The following PRKD1 variants were observed in gnomAD, a reference collection of about 807,000 sequenced individuals.
The protein encoded by PRKD1 is serine/threonine-protein kinase D1.
In PRKD1, 63 loss-of-function variants were observed where a neutral mutation model predicts 95.9. The observed-to-expected ratio is 0.66, with a 90% CI of 0.54 to 0.81. The LOEUF is 0.81. PRKD1 is among the 30% of genes least tolerant of loss of function. The probability of loss-of-function intolerance (pLI) is 0.00; values close to 1 mark genes in which losing one functional copy is unlikely to be tolerated. For missense variants in PRKD1, 1,048 were observed against 1,165.3 expected (o/e 0.90, Z 1.47); for synonymous variants, 425 against 423.1 (o/e 1.00, Z -0.05).
chr14:29,740,971 G>T lies in PRKD1; in HGVS notation c.265-15297C>A, dbSNP rs113076029. Among the ~76,000 whole-genome samples the T allele has an allele frequency of 6.6e-5, 10 of 152,308 alleles. 1 individual carries two copies. The highest frequency in any genetic ancestry group is 2.4e-4 in the African/African-American group (10 of 41,568). ...CTTTTGCAGGACCATGGATGGAGCT[G>T]CAGGACATTATCCTTAGCAAACTAA... On this transcript the variant is annotated intron_variant, in intron 1 of 17. Coordinates refer to ENST00000331968, the MANE Select transcript of PRKD1 (RefSeq NM_002742.3).
At chr14:29,794,458 C>T (rs1263437597) in intron 1 of PRKD1, among the ~76,000 whole-genome samples, 3 of 151,872 alleles carry the variant, frequency 2.0e-5, no homozygotes, top group South Asian at 2.1e-4. Context: ...TTGAAATTTA[C>T]AATAATTGTG....
chr14:29,589,290 G>A (rs571515681), intron 16 of PRKD1, among the ~76,000 whole-genome samples: 1 of 152,270 alleles, frequency 6.6e-6, no homozygotes, highest in East Asian at 1.9e-4. Context: ...TTGCACTGAA[G>A]CAAATTATAT....
intron 2 of PRKD1, 38 bp downstream of exon 2, chr14:29,725,498 T>C (rs1310616821): frequency 6.3e-7 from 1 of 1,591,398 alleles, no homozygotes; most frequent in East Asian, 2.2e-5. Context: ...ATACAACTTC[T>C]AATCTACGGA....
At chr14:29,806,104 G>A (rs538690207) in intron 1 of PRKD1, among the ~76,000 whole-genome samples, 9 of 152,044 alleles carry the variant, frequency 5.9e-5, no homozygotes, top group Non-Finnish European at 7.4e-5. Context: ...GGCAAGAAGC[G>A]GATCTCATCA....
chr14:29,668,681 T>A (rs547513114), intron 2 of PRKD1, among the ~76,000 whole-genome samples: 1 of 152,270 alleles, frequency 6.6e-6, no homozygotes, highest in Admixed American at 6.5e-5. Context: ...AGCAAAATAA[T>A]CTCTGGAGGT....
In PRKD1 at chr14:29,927,489, C is replaced by T. The variant is rs1895351831; in HGVS notation, c.24G>A (p.Arg8=). 2 of 1,229,354 alleles carry T rather than the reference C, an allele frequency of 1.6e-6. No homozygotes were observed. The highest frequency in any genetic ancestry group is 2.0e-6 in the Non-Finnish European group (2 of 989,808). The allele number at this position is 1,229,354 out of a possible 1,614,324, so 76.2% of individuals were successfully genotyped here. A position where few individuals can be genotyped will look rare whatever the true frequency, so the allele number is the denominator to read the frequency against. Residue 8 remains arginine (R), a synonymous_variant, in exon 1 of 18, where the codon CGG becomes CGA. Transcript: ENST00000331968. MSAPPVL[R]PPSPLLPVAA... is the part of the protein sequence containing the mutation. ...CCACGGGCAGCAGCGGACTGGGCGG[C>T]CGCAGGACCGGAGGGGCGCTCATCG...
At chr14:29,659,160 C>G (rs1375007253) in intron 4 of PRKD1, among the ~76,000 whole-genome samples, 1 of 152,202 alleles carries the variant, frequency 6.6e-6, no homozygotes, top group Non-Finnish European at 1.5e-5. Flanking sequence ...TCTGCTCCTT[C>G]CCAGTTGATA....
chr14:29,599,802 C>T lies in PRKD1; in HGVS notation c.1921G>A (p.Gly641Ser), dbSNP rs149460336. Residue 641 changes from glycine (G) to serine (S), a missense_variant, in exon 14 of 18, where the codon GGT (glycine) becomes AGT (serine). Transcript: ENST00000331968. ...AACATACACTCCAAATTTACAACAC[C>T]AGGGTGATGAAGGTTCTATTAAAGA... ...VAILQNLHHP[G>S]VVNLECMFET... 78 of 1,610,116 alleles carry T rather than the reference C, an allele frequency of 4.8e-5. No homozygotes were observed. Among genetic ancestry groups the T allele is most frequent in the Non-Finnish European group, 6.4e-5 (75 of 1,178,968 alleles).
At chr14:29,718,403 T>C (rs1193142365) in intron 2 of PRKD1, among the ~76,000 whole-genome samples, 1 of 151,894 alleles carries the variant, frequency 6.6e-6, no homozygotes, top group East Asian at 1.9e-4. Flanking sequence ...TCCTGAGCCC[T>C]CCCAACCATG....
At chr14:29,759,227 A>T (rs1887857217) in intron 1 of PRKD1, among the ~76,000 whole-genome samples, 2 of 152,146 alleles carry the variant, frequency 1.3e-5, no homozygotes, top group African/African-American at 4.8e-5. Context: ...TAGTAAGAAG[A>T]AGTATATTAT....
chr14:29,625,651 T>C (rs1879570273), intron 12 of PRKD1, among the ~76,000 whole-genome samples: 1 of 152,196 alleles, frequency 6.6e-6, no homozygotes, highest in Non-Finnish European at 1.5e-5. Context: ...TGGCTCATGA[T>C]AGGTTTCTCA....
At chr14:29,810,128 A>G (rs959705855) in intron 1 of PRKD1, among the ~76,000 whole-genome samples, 2 of 152,220 alleles carry the variant, frequency 1.3e-5, no homozygotes, top group African/African-American at 2.4e-5. Flanking sequence ...TTGGTATATC[A>G]AAACAATTAC....
chr14:29,700,814 T>C (rs896265554), intron 2 of PRKD1, among the ~76,000 whole-genome samples: 65 of 152,248 alleles, frequency 4.3e-4, no homozygotes, highest in African/African-American at 1.5e-3. Context: ...GTCAGCAGAC[T>C]TGGGACTCCA....
intron 1 of PRKD1, among the ~76,000 whole-genome samples, chr14:29,745,922 T>C (rs150101714): frequency 6.6e-6 from 1 of 152,318 alleles, no homozygotes; most frequent in African/African-American, 2.4e-5. Flanking sequence ...TCTCTCTTCC[T>C]ATTCCAATTC....
intron 4 of PRKD1, 48 bp downstream of exon 4, chr14:29,663,651 C>G: frequency 1.3e-6 from 2 of 1,592,408 alleles, no homozygotes; most frequent in Non-Finnish European, 1.7e-6. Context: ...CACATCACCC[C>G]ACAGATTTCT....
rs1594407493 is a variant in PRKD1 at position 29,663,867 on chromosome 14, G to T, written c.536-8C>A. ...GGTAATTCAGACCACACCCTGGAAAGGGAAAATAAAAATTATTTTTATTGA... is the reference window on the plus strand; with the variant it reads ...GGTAATTCAGACCACACCCTGGAAATGGAAAATAAAAATTATTTTTATTGA... On this transcript the variant is annotated splice_polypyrimidine_tract_variant and splice_region_variant and intron_variant, in intron 3 of 17. Transcript: ENST00000331968. 1.2e-6 allele frequency: 2 copies of T among 1,610,198 alleles called. No homozygotes were observed. The highest frequency in any genetic ancestry group is 8.5e-7 in the Non-Finnish European group (1 of 1,177,326).
At chr14:29,890,351 C>A (rs978567276) in intron 1 of PRKD1, among the ~76,000 whole-genome samples, 1 of 152,158 alleles carries the variant, frequency 6.6e-6, no homozygotes, top group African/African-American at 2.4e-5. Context: ...TTTCTATCCC[C>A]AATTCCTACC....
Position 29,666,129 on chromosome 14 carries a change from A to C in PRKD1, c.483T>G (p.Asp161Glu). ...VHSYRAPAFC[D>E]HCGEMLWGLV... is the part of the protein sequence containing the mutation. ...GCCCCCACAGCATTTCTCCACAGTG[A>C]TCACAGAAAGCTGGAGCTCTGTATG... Residue 161 changes from aspartate (D) to glutamate (E), a missense_variant, in exon 3 of 18, where the codon GAT becomes GAG. Coordinates refer to ENST00000331968, the MANE Select transcript of PRKD1 (RefSeq NM_002742.3). 1 of 1,607,684 alleles carries C rather than the reference A, an allele frequency of 6.2e-7. No individual in the cohort carries two copies. Among genetic ancestry groups the C allele is most frequent in the Non-Finnish European group, 8.5e-7 (1 of 1,175,608 alleles).
At chr14:29,814,749 A>C (rs543113669) in intron 1 of PRKD1, among the ~76,000 whole-genome samples, 1 of 152,118 alleles carries the variant, frequency 6.6e-6, no homozygotes, top group African/African-American at 2.4e-5. Context: ...GTATCTACTC[A>C]CTACAAAAAC....
Sources: allele counts gnomAD v4.1 joint callset (sites outside exome capture counted in the v4.1 genomes callset), GRCh38; gene constraint gnomAD v4.1.1; transcripts MANE v1.5; gene names NCBI Gene and HGNC (gene_info 2026-07-23, HGNC 2026-07-21).